EYA1: variants seen among roughly 807,000 people sequenced by gnomAD.
The protein encoded by EYA1 is protein phosphatase EYA1.
EYA1 carries 16 observed loss-of-function variants against 82.0 expected under a neutral mutation model. That is an observed-to-expected ratio of 0.20 (90% CI 0.13 to 0.30). The LOEUF (loss-of-function observed/expected upper bound fraction) is 0.30. Among genes scored for constraint, EYA1 ranks in the 10% least tolerant of loss-of-function variants. The pLI is 1.00. For missense variants in EYA1, 633 were observed against 730.7 expected (o/e 0.87, Z 1.54); for synonymous variants, 261 against 264.4 (o/e 0.99, Z 0.12).
chr8:71,307,308 T>G (rs1367912667), intron 7 of EYA1, among the ~76,000 whole-genome samples: 1 of 152,138 alleles, frequency 6.6e-6, no homozygotes, highest in Non-Finnish European at 1.5e-5. Flanking sequence ...TTTGCTGGGA[T>G]TTTTTTATTT....
chr8:71,269,240 G>C (rs1351064409), intron 11 of EYA1, among the ~76,000 whole-genome samples: 1 of 152,104 alleles, frequency 6.6e-6, no homozygotes, highest in Non-Finnish European at 1.5e-5. Context: ...CCTTTCAGAG[G>C]ATCAATCTTA....
At chr8:71,547,055 A>G (rs1339279270) in intron 1 of EYA1, among the ~76,000 whole-genome samples, 1 of 81,440 alleles carries the variant, frequency 1.2e-5, no homozygotes, top group African/African-American at 4.6e-5. Context: ...GATCTTGTTT[A>G]TTTTTCTTTG....
intron 9 of EYA1, among the ~76,000 whole-genome samples, chr8:71,285,482 A>C (rs1818269972): frequency 6.6e-6 from 1 of 152,246 alleles, no homozygotes. Context: ...TACTCCTTAC[A>C]TTGGGAGAGA....
intron 2 of EYA1, among the ~76,000 whole-genome samples, chr8:71,388,175 C>G (rs972877420): frequency 1.3e-5 from 2 of 152,198 alleles, no homozygotes; most frequent in African/African-American, 4.8e-5. Context: ...AATCCTGCCA[C>G]ACTCCAAAGA....
chr8:71,349,325 G>T (rs1318709911), intron 3 of EYA1, among the ~76,000 whole-genome samples: 2 of 152,186 alleles, frequency 1.3e-5, no homozygotes, highest in East Asian at 1.9e-4. Context: ...GCATCATTCA[G>T]CCATGAAGGC....
chr8:71,348,823 C>T (rs1826014312), intron 3 of EYA1, among the ~76,000 whole-genome samples: 1 of 152,186 alleles, frequency 6.6e-6, no homozygotes, highest in African/African-American at 2.4e-5. Context: ...ATGGAGCCCC[C>T]AACAAATGCC....
intron 2 of EYA1, among the ~76,000 whole-genome samples, chr8:71,515,536 A>G (rs577856268): frequency 2.0e-5 from 3 of 152,144 alleles, no homozygotes; most frequent in Non-Finnish European, 4.4e-5. Flanking sequence ...TAAAGTTCAT[A>G]CTACGGTATT....
At chr8:71,388,708 C>T (rs760662754) in intron 2 of EYA1, among the ~76,000 whole-genome samples, 11 of 152,126 alleles carry the variant, frequency 7.2e-5, no homozygotes, top group Non-Finnish European at 1.5e-4. Flanking sequence ...ACCTCTATCA[C>T]ACAATTTTGA....
chr8:71,448,025 T>TTTAGGTAACGGAG (rs935912194), intron 2 of EYA1, among the ~76,000 whole-genome samples: 1 of 116,736 alleles, frequency 8.6e-6, no homozygotes, highest in South Asian at 2.8e-4. Flanking sequence ...TTTTTTTTTT[T>TTTAGGTAACGGAG]TCTCGCTCCG....
intron 2 of EYA1, among the ~76,000 whole-genome samples, chr8:71,455,810 G>A (rs1188456777): frequency 1.3e-5 from 2 of 152,132 alleles, no homozygotes; most frequent in East Asian, 1.9e-4. Flanking sequence ...ATACTGAATG[G>A]GCAAAAACTG....
At chr8:71,521,050 C>G (rs1258335482) in intron 2 of EYA1, among the ~76,000 whole-genome samples, 2 of 151,794 alleles carry the variant, frequency 1.3e-5, no homozygotes. Flanking sequence ...CAATCCTACA[C>G]TTGGGTCACC....
intron 3 of EYA1, among the ~76,000 whole-genome samples, chr8:71,346,439 T>TA (rs1231273873): frequency 5.9e-5 from 8 of 136,644 alleles, no homozygotes; most frequent in African/African-American, 2.3e-4. Context: ...TGAATATATA[T>TA]ATATATATAT....
chr8:71,542,266 T>C (rs1186322438), intron 1 of EYA1, among the ~76,000 whole-genome samples: 1 of 152,134 alleles, frequency 6.6e-6, no homozygotes, highest in African/African-American at 2.4e-5. Flanking sequence ...CCCCTTTATG[T>C]ATCCATGTGT....
intron 2 of EYA1, among the ~76,000 whole-genome samples, chr8:71,521,393 GTGGAACTACATATGGGAA>G (rs1813388638): frequency 1.3e-5 from 2 of 152,094 alleles, no homozygotes; most frequent in Non-Finnish European, 2.9e-5. Flanking sequence ...TTTGAAAAAT[GTGGAACTACATATGGGAA>G]TTATAAATTA....
chr8:71,425,205 C>T (rs188528815), intron 2 of EYA1, among the ~76,000 whole-genome samples: 3 of 150,752 alleles, frequency 2.0e-5, no homozygotes, highest in Admixed American at 2.0e-4. Context: ...ATGGTGTGAA[C>T]CCGGGAGGCA....
At chr8:71,288,603 A>G (rs1818651410) in intron 9 of EYA1, among the ~76,000 whole-genome samples, 2 of 152,246 alleles carry the variant, frequency 1.3e-5, no homozygotes, top group African/African-American at 4.8e-5. Flanking sequence ...AGGTTACGCA[A>G]GTGGATTTGT....
At chr8:71,388,293 G>A (rs1346791597) in intron 2 of EYA1, among the ~76,000 whole-genome samples, 1 of 152,122 alleles carries the variant, frequency 6.6e-6, no homozygotes, top group Non-Finnish European at 1.5e-5. Flanking sequence ...ACAATATGAA[G>A]GCCACTGATA....
At chr8:71,329,461 C>T (rs1460187897) in intron 4 of EYA1, among the ~76,000 whole-genome samples, 1 of 152,146 alleles carries the variant, frequency 6.6e-6, no homozygotes, top group Non-Finnish European at 1.5e-5. Context: ...GGCCCATCTT[C>T]ATTAGCTCCA....
chr8:71,208,130 G>A (rs1286464699), intron 17 of EYA1, among the ~76,000 whole-genome samples: 1 of 152,112 alleles, frequency 6.6e-6, no homozygotes, highest in East Asian at 1.9e-4. Flanking sequence ...CCTGTTTCCA[G>A]TATAAAAATT....
Sources: gnomAD v4.1 joint callset for allele counts (sites outside exome capture counted in the v4.1 genomes callset) on GRCh38, gnomAD v4.1.1 for gene constraint, MANE v1.5 for transcripts, NCBI Gene and HGNC (gene_info 2026-07-23, HGNC 2026-07-21) for gene names.